The following SGCZ variants were observed in gnomAD, a reference collection of about 807,000 sequenced individuals.
SGCZ encodes zeta-sarcoglycan.
SGCZ carries 40 observed loss-of-function variants against 41.3 expected under a neutral mutation model. That is an observed-to-expected ratio of 0.97 (90% CI 0.75 to 1.26). SGCZ has a LOEUF of 1.26. SGCZ is among the 50% of genes most tolerant of loss of function. The pLI, the probability that SGCZ is intolerant of heterozygous loss-of-function variation, is 0.00. For synonymous variants in SGCZ, 206 were observed against 137.5 expected (o/e 1.50, Z -3.49); for missense variants, 552 against 369.8 (o/e 1.49, Z -4.04).
intron 1 of SGCZ, among the ~76,000 whole-genome samples, chr8:15,156,439 T>C (rs1021705222): frequency 8.5e-5 from 13 of 152,210 alleles, no homozygotes; most frequent in African/African-American, 1.7e-4. Flanking sequence ...TTTATCAGCA[T>C]GGTGAAATCA....
At chr8:14,303,288 A>C (rs1299328413) in intron 3 of SGCZ, among the ~76,000 whole-genome samples, 2 of 152,196 alleles carry the variant, frequency 1.3e-5, no homozygotes, top group African/African-American at 4.8e-5. Flanking sequence ...ACTTGCATGA[A>C]ATGAACATGA....
rs542330496 is a variant in SGCZ, at chr8:14,242,721, T to C, written c.337-5042A>G. Among the ~76,000 whole-genome samples the C allele has an allele frequency of 2.9e-4, 44 of 152,204 alleles. 1 individual carries two copies. In the South Asian group the frequency reaches 9.1e-3, roughly 32 times the overall value. The stretch of plus-strand genomic sequence containing the variant: ...ATAAGTATAGTACAAAAAGATTAAG[T>C]CACTTCCTTCAAATGACACAGCTAA... On this transcript the variant is annotated intron_variant, in intron 3 of 7. Transcript: ENST00000382080.
At chr8:14,274,077 T>A (rs926961077) in intron 3 of SGCZ, among the ~76,000 whole-genome samples, 5 of 152,130 alleles carry the variant, frequency 3.3e-5, no homozygotes, top group Admixed American at 6.6e-5. Context: ...GTTACATGTA[T>A]TCTAATATTT....
intron 1 of SGCZ, among the ~76,000 whole-genome samples, chr8:14,657,479 T>G (rs920356205): frequency 6.6e-6 from 1 of 152,158 alleles, no homozygotes; most frequent in African/African-American, 2.4e-5. Flanking sequence ...GAATACTTAC[T>G]AATCATTGAC....
At position 15,221,336 on chromosome 8, in the gene SGCZ, C is replaced by A. The variant is rs75043890; in HGVS notation, c.39+16249G>T. Among the ~76,000 whole-genome samples, 1,126 of 152,176 alleles carry A rather than the reference C, an allele frequency of 7.4e-3. 12 individuals are homozygous for A. Among genetic ancestry groups the A allele is most frequent in the African/African-American group, 0.024 (1,000 of 41,524 alleles). ...TGGGGGAGTGGGAGGTTGAAGAGGG[C>A]TAATGAGTAAGATTTATTTTCAGGT... On this transcript the variant is annotated intron_variant, in intron 1 of 7. Transcript: ENST00000382080.
At chr8:14,514,783 ATGTGTGTGTGTGTG>A (rs200862544) in intron 2 of SGCZ, among the ~76,000 whole-genome samples, 10 of 100,388 alleles carry the variant, frequency 1.0e-4, no homozygotes, top group African/African-American at 2.3e-4. Flanking sequence ...ATATATGTAA[ATGTGTGTGTGTGTG>A]TGTGTGTGTG....
chr8:15,158,913 A>T (rs1799413409), intron 1 of SGCZ, among the ~76,000 whole-genome samples: 1 of 152,204 alleles, frequency 6.6e-6, no homozygotes, highest in African/African-American at 2.4e-5. Context: ...CAGTATTGTC[A>T]AATATATATT....
At chr8:14,462,770 T>G (rs1800938547) in intron 2 of SGCZ, among the ~76,000 whole-genome samples, 1 of 151,876 alleles carries the variant, frequency 6.6e-6, no homozygotes, top group African/African-American at 2.4e-5. Context: ...TCATTGGGAT[T>G]TGGATAAGGA....
At chr8:14,393,608 C>G (rs760570035) in intron 2 of SGCZ, among the ~76,000 whole-genome samples, 56 of 152,160 alleles carry the variant, frequency 3.7e-4, no homozygotes, top group Non-Finnish European at 4.9e-4. Context: ...TCAGCTGGTC[C>G]TTTCCACTGA....
intron 1 of SGCZ, among the ~76,000 whole-genome samples, chr8:14,710,635 C>T (rs903731725): frequency 6.6e-6 from 1 of 151,854 alleles, no homozygotes; most frequent in African/African-American, 2.4e-5. Context: ...GAAAAAATGT[C>T]TTTCAAATAA....
At chr8:14,937,470 A>T (rs1162368016) in intron 1 of SGCZ, among the ~76,000 whole-genome samples, 4 of 152,066 alleles carry the variant, frequency 2.6e-5, no homozygotes, top group African/African-American at 4.8e-5. Flanking sequence ...TGCCTTCATA[A>T]GAAACAAAAA....
intron 2 of SGCZ, among the ~76,000 whole-genome samples, chr8:14,478,645 T>C (rs1268533209): frequency 2.0e-5 from 3 of 151,660 alleles, no homozygotes; most frequent in Admixed American, 2.0e-4. Context: ...GAAACTGAAA[T>C]TTAAAATAGA....
intron 1 of SGCZ, among the ~76,000 whole-genome samples, chr8:15,044,396 G>T (rs1804225784): frequency 6.6e-6 from 1 of 152,096 alleles, no homozygotes; most frequent in Non-Finnish European, 1.5e-5. Context: ...AAACTCTTTG[G>T]CAGGCATCCT....
At chr8:14,150,435 G>A (rs11775065) in intron 5 of SGCZ, among the ~76,000 whole-genome samples, 2 of 151,794 alleles carry the variant, frequency 1.3e-5, no homozygotes, top group Non-Finnish European at 2.9e-5. Context: ...TGCTCAACAT[G>A]GATTATGAGA....
chr8:14,908,880 TTTG>T (rs1563355696), intron 1 of SGCZ, among the ~76,000 whole-genome samples: 1 of 152,138 alleles, frequency 6.6e-6, no homozygotes. Context: ...CGACGAATAG[TTTG>T]TTATTTAATT....
intron 5 of SGCZ, among the ~76,000 whole-genome samples, chr8:14,126,536 G>A (rs774182228): frequency 6.6e-6 from 1 of 152,158 alleles, no homozygotes; most frequent in African/African-American, 2.4e-5. Flanking sequence ...TTCCACTGTT[G>A]GGAATGAAAA....
intron 1 of SGCZ, among the ~76,000 whole-genome samples, chr8:14,687,716 G>A (rs1038308971): frequency 2.0e-5 from 3 of 151,294 alleles, no homozygotes; most frequent in African/African-American, 7.3e-5. Context: ...ACCCAGTAAT[G>A]AGATGGCTGG....
At chr8:14,996,483 C>G (rs1563421347) in intron 1 of SGCZ, among the ~76,000 whole-genome samples, 1 of 152,098 alleles carries the variant, frequency 6.6e-6, no homozygotes, top group South Asian at 2.1e-4. Context: ...CTTACCGCAG[C>G]CTTGAACTCT....
At chr8:14,491,698 A>C (rs1801847279) in intron 2 of SGCZ, among the ~76,000 whole-genome samples, 1 of 152,156 alleles carries the variant, frequency 6.6e-6, no homozygotes, top group Non-Finnish European at 1.5e-5. Flanking sequence ...ACAAGAAATA[A>C]AATTTTCTTT....
Sources: allele counts gnomAD v4.1 joint callset (sites outside exome capture counted in the v4.1 genomes callset), GRCh38; gene constraint gnomAD v4.1.1; transcripts MANE v1.5; gene names NCBI Gene and HGNC (gene_info 2026-07-23, HGNC 2026-07-21).